CLPTM1L: variants seen among roughly 807,000 people sequenced by gnomAD.
The protein encoded by CLPTM1L is CLPTM1 like.
Under a neutral mutation model 70.9 loss-of-function variants are expected in CLPTM1L, and 38 were observed. The observed-to-expected ratio is 0.54, with a 90% CI of 0.41 to 0.70. The LOEUF (loss-of-function observed/expected upper bound fraction) is 0.70. CLPTM1L is among the 30% of genes least tolerant of loss of function. The probability of loss-of-function intolerance (pLI) is 0.00; values close to 1 mark genes in which losing one functional copy is unlikely to be tolerated. For synonymous variants in CLPTM1L, 339 were observed against 299.9 expected, an observed-to-expected ratio of 1.13 and a Z score of -1.35; for missense variants, 652 against 705.9, an observed-to-expected ratio of 0.92 and a Z score of 0.87.
rs201803693 is a variant in CLPTM1L at position 1,330,270 on chromosome 5, C to T, written c.1080+10G>A. The T allele has an allele frequency of 3.8e-5, 61 of 1,611,274 alleles. No homozygotes were observed. The highest frequency in any genetic ancestry group is 5.3e-5 in the African/African-American group (4 of 75,012). On this transcript the variant is annotated intron_variant, in intron 9 of 16. Coordinates refer to ENST00000320895, the MANE Select transcript of CLPTM1L (RefSeq NM_030782.5). The stretch of plus-strand genomic sequence containing the variant: ...ACCTCAGACAGTTCAGGTCACTGCC[C>T]GGAACTCACCTCAATGGCGGCTCCA...
In CLPTM1L at chr5:1,320,745, C is replaced by G. The variant is rs373982760; in HGVS notation, c.1417-14G>C. The G allele has an allele frequency of 7.5e-6, 11 of 1,471,030 alleles. No individual in the cohort carries two copies. Among genetic ancestry groups the G allele is most frequent in the African/African-American group, 2.8e-5 (2 of 70,970 alleles). 91.1% of individuals were successfully genotyped at this position (1,471,030 alleles called of 1,614,324 possible). A position where few individuals can be genotyped will look rare whatever the true frequency, so the allele number is the denominator to read the frequency against. ...GGTGTTGAAAGCCTGCAGGGCCAGA[C>G]GGGAGGAGGGTGAACCCCAGTTGCT... On this transcript the variant is annotated splice_polypyrimidine_tract_variant and intron_variant, in intron 15 of 16. Transcript: ENST00000320895.
At chr5:1,323,421 TCTCGG>T (rs1752301064) in intron 12 of CLPTM1L, among the ~76,000 whole-genome samples, 1 of 144,722 alleles carries the variant, frequency 6.9e-6, no homozygotes, top group African/African-American at 2.6e-5. Context: ...CCAGGACCCC[TCTCGG>T]CTCAGGGCCA....
At chr5:1,321,353 T>C (rs907515159) in intron 15 of CLPTM1L, among the ~76,000 whole-genome samples, 2 of 152,220 alleles carry the variant, frequency 1.3e-5, no homozygotes, top group Non-Finnish European at 2.9e-5. Context: ...AGGGGGTCTG[T>C]GTCTTGACAC....
intron 16 of CLPTM1L, among the ~76,000 whole-genome samples, chr5:1,319,551 G>T (rs1176718475): frequency 6.6e-6 from 1 of 152,248 alleles, no homozygotes; most frequent in Non-Finnish European, 1.5e-5. Context: ...CGGGAGCACT[G>T]CGCTCCCCAA....
chr5:1,331,455 A>C (rs1164175407), intron 8 of CLPTM1L: 7 of 372,296 alleles, frequency 1.9e-5, no homozygotes, highest in Non-Finnish European at 3.5e-5. Flanking sequence ...GTGAGGCCCC[A>C]GCCCTGCTCA....
At chr5:1,344,271 T>C (rs564765175) in intron 2 of CLPTM1L, 80 bp downstream of exon 2, 12 of 944,646 alleles carry the variant, frequency 1.3e-5, no homozygotes, top group South Asian at 1.1e-4. Flanking sequence ...AAACATGTTA[T>C]GTACAGAAAG....
At chr5:1,327,715 G>A (rs1206059216) in intron 9 of CLPTM1L, among the ~76,000 whole-genome samples, 1 of 148,870 alleles carries the variant, frequency 6.7e-6, no homozygotes, top group African/African-American at 2.5e-5. Context: ...CTCCTCTACA[G>A]GGACATTTCA....
rs756609560 is a variant in CLPTM1L, at chr5:1,338,919, C to T, written c.540G>A (p.Ala180=). 20 of 1,613,360 alleles carry T rather than the reference C, an allele frequency of 1.2e-5. No individual in the cohort carries two copies. The highest frequency in any genetic ancestry group is 2.2e-5 in the East Asian group (1 of 44,890). ...AGGACCCGTCAAAGACAAAGTTGTCCGCCATCACGTTCAGCGCCAGCCGCG... is the reference window on the plus strand; with the variant it reads ...AGGACCCGTCAAAGACAAAGTTGTCTGCCATCACGTTCAGCGCCAGCCGCG... The part of the protein sequence containing the change: ...WRPRLALNVM[A]DNFVFDGSSL... Residue 180 remains alanine, a synonymous_variant, in exon 4 of 17, where the codon GCG becomes GCA. Transcript: ENST00000320895.
chr5:1,329,420 C>G (rs1013401349), intron 9 of CLPTM1L, among the ~76,000 whole-genome samples: 10 of 151,810 alleles, frequency 6.6e-5, no homozygotes, highest in Non-Finnish European at 1.3e-4. Context: ...GGCCTCAGGC[C>G]TCTGCTTGGT....
At position 1,324,853 on chromosome 5, in the gene CLPTM1L, G is replaced by A. The variant is rs201516674; in HGVS notation, c.1147-40C>T. ...AACACAGTGATATTAATAGACTCAG[G>A]GAGGATCTGAGCACAGCTGAGCTGT... is the stretch of plus-strand genomic sequence containing the variant. On this transcript the variant is annotated intron_variant, in intron 10 of 16. Coordinates refer to ENST00000320895, the MANE Select transcript of CLPTM1L (RefSeq NM_030782.5). 49 of 1,586,142 alleles carry A rather than the reference G, an allele frequency of 3.1e-5. No individual in the cohort carries two copies. In the African/African-American group the frequency reaches 5.9e-4, roughly 19 times the overall value.
chr5:1,342,044 G>GCA lies in CLPTM1L; in HGVS notation c.264-185_264-184insTG, dbSNP rs1289285735. ...TGTGTGTGTGTGTGTGTGTGTGCAC[G>GCA]CGCACGCGTGCGCGTCCTGAGAACT... is the stretch of plus-strand genomic sequence containing the variant. On this transcript the variant is annotated intron_variant, in intron 2 of 16. Coordinates refer to ENST00000320895, the MANE Select transcript of CLPTM1L (RefSeq NM_030782.5). The surrounding 1 kb of genome is among the most constrained non-coding windows in gnomAD (Gnocchi z 4.3). Among the ~76,000 whole-genome samples the GCA allele has an allele frequency of 2.0e-5, 3 of 150,740 alleles. No individual in the cohort carries two copies. The highest frequency in any genetic ancestry group is 6.6e-5 in the Admixed American group (1 of 15,150).
chr5:1,325,896 G>T (rs1448350560), intron 9 of CLPTM1L, 80 bp from the exon 10 acceptor site: 28 of 1,232,112 alleles, frequency 2.3e-5, no homozygotes, highest in Non-Finnish European at 1.2e-5. Flanking sequence ...ACAGTAACGG[G>T]TAGGACCTGC....
chr5:1,327,114 CCATCCAGCTCCTCCTCTACAGACACATTT>C (rs1561234743), intron 9 of CLPTM1L, among the ~76,000 whole-genome samples: 9 of 139,880 alleles, frequency 6.4e-5, no homozygotes, highest in East Asian at 4.6e-4. Context: ...CAGACACATT[CCATCCAGCTCCTCCTCTACAGACACATTT>C]CATCCAGCTC....
Position 1,342,435 on chromosome 5 carries a change from G to A in CLPTM1L, c.264-575C>T, listed in dbSNP as rs1754009162. On this transcript the variant is annotated intron_variant, in intron 2 of 16. Coordinates refer to ENST00000320895, the MANE Select transcript of CLPTM1L (RefSeq NM_030782.5). This position sits in a 1 kb window ranked among gnomAD's most constrained non-coding sequence, Gnocchi z 4.3. Reference sequence around the variant, plus strand: ...GTCCTGACTGTGTGGCATCCAGCACGAGCTGAGGAAAGGCCCGGCGAGCTG... The same window carrying A: ...GTCCTGACTGTGTGGCATCCAGCACAAGCTGAGGAAAGGCCCGGCGAGCTG... Among the ~76,000 whole-genome samples the A allele has an allele frequency of 6.6e-6, 1 of 152,180 alleles. No homozygotes were observed. Among genetic ancestry groups the A allele is most frequent in the Admixed American group, 6.5e-5 (1 of 15,276 alleles).
chr5:1,329,241 A>G (rs982405286), intron 9 of CLPTM1L, among the ~76,000 whole-genome samples: 4 of 152,216 alleles, frequency 2.6e-5, no homozygotes, highest in African/African-American at 9.6e-5. Context: ...CTCCGGAACA[A>G]CCAAGGCTGG....
At chr5:1,333,705 TAAG>T (rs2111237505) in intron 7 of CLPTM1L, among the ~76,000 whole-genome samples, 4 of 44,534 alleles carry the variant, frequency 9.0e-5, no homozygotes, top group Admixed American at 3.3e-4. Context: ...CGCAAGAGGA[TAAG>T]GGGGGACTAC....
At chr5:1,323,413 A>G (rs1446911254) in intron 12 of CLPTM1L, among the ~76,000 whole-genome samples, 3 of 146,166 alleles carry the variant, frequency 2.1e-5, no homozygotes, top group East Asian at 2.1e-4. Context: ...TGGAGGCTCC[A>G]GGACCCCTCT....
At chr5:1,344,510 A>T in intron 1 of CLPTM1L, 59 bp from the exon 2 acceptor site, 1 of 1,532,184 alleles carries the variant, frequency 6.5e-7, no homozygotes, top group Non-Finnish European at 9.0e-7. Context: ...ACGCACTCAA[A>T]TCCCACGGCC....
intron 3 of CLPTM1L, among the ~76,000 whole-genome samples, chr5:1,341,030 T>A (rs1003532593): frequency 7.2e-5 from 11 of 152,214 alleles, no homozygotes; most frequent in Non-Finnish European, 1.6e-4. Flanking sequence ...CCTCCCAAAG[T>A]GCTGGGATTA....
Sources: allele counts gnomAD v4.1 joint callset (sites outside exome capture counted in the v4.1 genomes callset), GRCh38; gene constraint gnomAD v4.1.1; non-coding constraint Gnocchi (gnomAD v3.1); transcripts MANE v1.5; gene names NCBI Gene and HGNC (gene_info 2026-07-23, HGNC 2026-07-21).